Variants in THSD4 observed in about 807,000 individuals in gnomAD.
THSD4 encodes thrombospondin type-1 domain-containing protein 4.
Under a neutral mutation model 119.0 loss-of-function variants are expected in THSD4, and 69 were observed. The observed-to-expected ratio is 0.58, with a 90% CI of 0.48 to 0.71. The LOEUF is 0.71. THSD4 is among the 30% of genes least tolerant of loss of function. THSD4 has a pLI of 0.00. For synonymous variants in THSD4, 524 were observed against 540.4 expected (o/e 0.97, Z 0.42); for missense variants, 1,393 against 1,391.1 (o/e 1.00, Z -0.02).
At chr15:71,203,383 G>A (rs1191613277) in intron 3 of THSD4, among the ~76,000 whole-genome samples, 1 of 152,150 alleles carries the variant, frequency 6.6e-6, no homozygotes, top group African/African-American at 2.4e-5. Flanking sequence ...GGCCAGGCGT[G>A]ATGGCTCATG....
chr15:71,228,820 A>G (rs1262544434), intron 4 of THSD4, among the ~76,000 whole-genome samples: 1 of 152,178 alleles, frequency 6.6e-6, no homozygotes, highest in Non-Finnish European at 1.5e-5. Context: ...GCTTCCAAGC[A>G]CACAATATAT....
chr15:71,483,127 TC>T (rs2047759169), intron 7 of THSD4, among the ~76,000 whole-genome samples: 1 of 152,126 alleles, frequency 6.6e-6, no homozygotes. Context: ...TAAAGAGCTA[TC>T]TTTAATATTT....
At chr15:71,530,208 G>A (rs1244325478) in intron 7 of THSD4, among the ~76,000 whole-genome samples, 2 of 152,170 alleles carry the variant, frequency 1.3e-5, no homozygotes, top group Non-Finnish European at 2.9e-5. Context: ...AGACACTCCA[G>A]CCAAGAAGAC....
At chr15:71,238,726 G>T (rs1021321909) in intron 4 of THSD4, among the ~76,000 whole-genome samples, 3 of 151,940 alleles carry the variant, frequency 2.0e-5, no homozygotes, top group African/African-American at 7.3e-5. Flanking sequence ...TGCATTTTTG[G>T]CTATTATGAA....
At chr15:71,580,631 A>G (rs571693480) in intron 7 of THSD4, among the ~76,000 whole-genome samples, 10 of 152,182 alleles carry the variant, frequency 6.6e-5, no homozygotes, top group Non-Finnish European at 1.3e-4. Context: ...ACACCTCCAC[A>G]TCTCTCCAAC....
intron 7 of THSD4, among the ~76,000 whole-genome samples, chr15:71,468,433 A>G (rs1595796830): frequency 6.6e-6 from 1 of 152,222 alleles, no homozygotes; most frequent in Non-Finnish European, 1.5e-5. Flanking sequence ...TCATATGCTA[A>G]AAGTCCCATA....
rs184897547 is a variant in THSD4 at position 71,307,413 on chromosome 15, T to C, written c.1015+50698T>C. Among the ~76,000 whole-genome samples the C allele has an allele frequency of 7.9e-5, 12 of 152,300 alleles. No individual in the cohort carries two copies. The East Asian group carries it at 2.3e-3, about 29-fold the overall frequency. On this transcript the variant is annotated intron_variant, in intron 6 of 17. Transcript: ENST00000261862. ...GCATACTGAATTTTTAAGACCTAAG[T>C]GTGTCAAGGGCCCTCAAGATCATCC... is the stretch of plus-strand genomic sequence containing the variant.
intron 7 of THSD4, among the ~76,000 whole-genome samples, chr15:71,622,690 C>T (rs1339273455): frequency 1.3e-5 from 2 of 152,234 alleles, no homozygotes; most frequent in African/African-American, 4.8e-5. Flanking sequence ...TGGAGAAGCT[C>T]AGAATAGCAA....
intron 6 of THSD4, among the ~76,000 whole-genome samples, chr15:71,284,147 T>C (rs1055144574): frequency 1.3e-5 from 2 of 152,230 alleles, no homozygotes; most frequent in Non-Finnish European, 1.5e-5. Context: ...TAGAGATGTC[T>C]ACACATTCTT....
At chr15:71,335,581 C>T (rs1030946042) in intron 6 of THSD4, among the ~76,000 whole-genome samples, 3 of 152,038 alleles carry the variant, frequency 2.0e-5, no homozygotes, top group African/African-American at 4.8e-5. Flanking sequence ...ATGTCTGTCA[C>T]GGGTGCGAGA....
At chr15:71,639,419 T>C (rs1259772565) in intron 7 of THSD4, among the ~76,000 whole-genome samples, 3 of 152,174 alleles carry the variant, frequency 2.0e-5, no homozygotes, top group Admixed American at 2.0e-4. Flanking sequence ...CAAAATGCAC[T>C]AACCACAAAA....
chr15:71,748,167 A>AGAG (rs1400262921), intron 13 of THSD4, among the ~76,000 whole-genome samples: 5 of 152,174 alleles, frequency 3.3e-5, no homozygotes, highest in African/African-American at 1.2e-4. Flanking sequence ...TCCTTGGCCA[A>AGAG]GAGGAGGCCC....
chr15:71,547,244 G>A, intron 7 of THSD4: 1 of 1,408,480 alleles, frequency 7.1e-7, no homozygotes, highest in Non-Finnish European at 9.2e-7. Flanking sequence ...TCAGAACAGA[G>A]GCTGAGCTCG....
intron 7 of THSD4, among the ~76,000 whole-genome samples, chr15:71,600,130 G>A (rs2049978820): frequency 1.3e-5 from 2 of 152,196 alleles, no homozygotes; most frequent in Admixed American, 1.3e-4. Flanking sequence ...ATTCCGTGGG[G>A]AAATGCTACT....
chr15:71,137,346 C>T (rs986341514), intron 1 of THSD4, among the ~76,000 whole-genome samples: 1 of 152,106 alleles, frequency 6.6e-6, no homozygotes, highest in Non-Finnish European at 1.5e-5. Flanking sequence ...CCTGGCGCCA[C>T]CTTTCAGGGC....
intron 7 of THSD4, among the ~76,000 whole-genome samples, chr15:71,616,405 C>G (rs2050319486): frequency 6.6e-6 from 1 of 152,104 alleles, no homozygotes; most frequent in Admixed American, 6.6e-5. Flanking sequence ...TTAAGAAAGG[C>G]CTTCATAAAC....
chr15:71,395,914 G>GAGACACACACACAC lies in THSD4; in HGVS notation c.1016-15772_1016-15771insGACACACACACACA, dbSNP rs535919434. ...TCTGCTTCTCAGTGTTTTGAAGAGA[G>GAGACACACACACAC]ACACACACACACACACACACACACA... On this transcript the variant is annotated intron_variant, in intron 6 of 17. Transcript: ENST00000261862. Among the ~76,000 whole-genome samples the GAGACACACACACAC allele has an allele frequency of 2.6e-3, 343 of 133,368 alleles. 1 individual carries two copies. Among genetic ancestry groups the GAGACACACACACAC allele is most frequent in the African/African-American group, 9.3e-3 (323 of 34,658 alleles). 87.5% of individuals were successfully genotyped at this position (133,368 alleles called of 152,430 possible).
rs147082650 is a variant in THSD4 at position 71,405,768 on chromosome 15, A to G, written c.1016-5919A>G. Among the ~76,000 whole-genome samples the G allele has an allele frequency of 6.1e-3, 930 of 152,330 alleles. 5 individuals carry two copies. The highest frequency in any genetic ancestry group is 7.3e-3 in the Non-Finnish European group (499 of 68,032). The stretch of plus-strand genomic sequence containing the variant: ...CATCTTAACAATGTTAAATCTTCAG[A>G]TCCAAGAAAATGTGATATCTTTCCA... On this transcript the variant is annotated intron_variant, in intron 6 of 17. Coordinates refer to ENST00000261862, the MANE Select transcript of THSD4 (RefSeq NM_024817.3).
At chr15:71,713,488 C>T (rs2052552944) in intron 8 of THSD4, among the ~76,000 whole-genome samples, 1 of 152,192 alleles carries the variant, frequency 6.6e-6, no homozygotes, top group Admixed American at 6.5e-5. Context: ...GGGGTTTACA[C>T]AATCTTACAG....
Sources: allele counts gnomAD v4.1 joint callset (sites outside exome capture counted in the v4.1 genomes callset), GRCh38; gene constraint gnomAD v4.1.1; transcripts MANE v1.5; gene names NCBI Gene and HGNC (gene_info 2026-07-23, HGNC 2026-07-21).